Variants in TASP1 observed in about 807,000 individuals in gnomAD.
TASP1 encodes taspase 1.
Under a neutral mutation model 56.6 loss-of-function variants are expected in TASP1, and 16 were observed. The ratio of observed to expected loss-of-function variants is 0.28; its 90% CI spans 0.19 to 0.43. TASP1 has a LOEUF of 0.43. TASP1 is among the 20% of genes least tolerant of loss of function. TASP1 has a pLI of 1.00. For missense variants in TASP1, 393 were observed against 511.6 expected (o/e 0.77, Z 2.24); for synonymous variants, 179 against 184.2 (o/e 0.97, Z 0.23).
chr20:13,616,623 C>T (rs2048533736), intron 4 of TASP1, among the ~76,000 whole-genome samples: 1 of 150,996 alleles, frequency 6.6e-6, no homozygotes, highest in Admixed American at 6.6e-5. Flanking sequence ...ATCATTGATT[C>T]CGTTTTCTTT....
At chr20:13,220,873 G>A in the TASP1 span, among the ~76,000 whole-genome samples, 2 of 152,188 alleles carry the variant, frequency 1.3e-5, no homozygotes, top group Non-Finnish European at 2.9e-5. Context: ...TTCTAAAGCA[G>A]CCCAGGCACC....
At chr20:13,151,312 T>C in the TASP1 span, among the ~76,000 whole-genome samples, 4 of 152,246 alleles carry the variant, frequency 2.6e-5, no homozygotes, top group Non-Finnish European at 4.4e-5. Flanking sequence ...TTATATTTAT[T>C]GTCTCTTTTT....
the TASP1 span, among the ~76,000 whole-genome samples, chr20:13,274,107 A>G: frequency 6.6e-6 from 1 of 151,854 alleles, no homozygotes; most frequent in Admixed American, 6.6e-5. Flanking sequence ...ACACAAACAC[A>G]CCCACACACC....
At chr20:13,392,737 G>A in intron 13 of TASP1, 1 of 579,132 alleles carries the variant, frequency 1.7e-6, no homozygotes, top group Non-Finnish European at 3.3e-6. Flanking sequence ...CACCAGGGCT[G>A]CTTTTAACTC....
chr20:13,580,649 A>G (rs1296476489), intron 6 of TASP1, among the ~76,000 whole-genome samples: 1 of 152,166 alleles, frequency 6.6e-6, no homozygotes, highest in African/African-American at 2.4e-5. Context: ...CTGGACTACA[A>G]TGTGTAAGTT....
chr20:13,105,008 T>TA, the TASP1 span, among the ~76,000 whole-genome samples: 941 of 152,136 alleles, frequency 6.2e-3, 7 homozygotes, highest in African/African-American at 0.02. Context: ...ATCATTATTT[T>TA]AAAAAAAATC....
At chr20:13,295,531 T>C in the TASP1 span, among the ~76,000 whole-genome samples, 1 of 152,054 alleles carries the variant, frequency 6.6e-6, no homozygotes, top group East Asian at 1.9e-4. Flanking sequence ...CCCTTGTCCT[T>C]CCCCCATCGA....
intron 12 of TASP1, among the ~76,000 whole-genome samples, chr20:13,428,808 G>C (rs2042703145): frequency 6.6e-6 from 1 of 151,176 alleles, no homozygotes; most frequent in Non-Finnish European, 1.5e-5. Context: ...TTGTTTTTTT[G>C]TGAGCATGAG....
the TASP1 span, chr20:13,298,898 C>T: frequency 8.2e-6 from 13 of 1,590,354 alleles, no homozygotes; most frequent in East Asian, 1.1e-4. Context: ...TCCTGTGGGC[C>T]GGTTGTACAC....
At chr20:13,381,314 C>T in the TASP1 span, among the ~76,000 whole-genome samples, 5 of 152,180 alleles carry the variant, frequency 3.3e-5, no homozygotes, top group Non-Finnish European at 5.9e-5. Flanking sequence ...TCACAGCTTC[C>T]CTTGGCTAGG....
At chr20:13,276,172 C>A in the TASP1 span, among the ~76,000 whole-genome samples, 5 of 152,312 alleles carry the variant, frequency 3.3e-5, no homozygotes, top group Non-Finnish European at 1.5e-5. Flanking sequence ...TGAGGAAATC[C>A]TTTTCCTCTC....
At chr20:13,459,523 T>A (rs1408948820) in intron 11 of TASP1, among the ~76,000 whole-genome samples, 1 of 152,180 alleles carries the variant, frequency 6.6e-6, no homozygotes, top group Admixed American at 6.6e-5. Context: ...CAAACTTTGC[T>A]GAAGATAATT....
rs1328956558 is a variant in TASP1 at position 13,390,143 on chromosome 20, C to T, written c.*217G>A. ...TACTCCACACATACACATATGTGCG[C>T]ACATACGCGCACACACTCACACACA... On this transcript the variant is annotated 3_prime_UTR_variant, in exon 14 of 14. Coordinates refer to ENST00000337743, the MANE Select transcript of TASP1 (RefSeq NM_017714.3). 5.9e-6 allele frequency: 3 copies of T among 506,474 alleles called. No individual in the cohort carries two copies. The highest frequency in any genetic ancestry group is 1.1e-5 in the Non-Finnish European group (3 of 276,876). The allele number at this position is 506,474 out of a possible 1,614,324, so 31.4% of individuals were successfully genotyped here.
intron 13 of TASP1, among the ~76,000 whole-genome samples, chr20:13,414,618 ACAGTAGTC>A (rs2042193928): frequency 6.6e-6 from 1 of 152,174 alleles, no homozygotes; most frequent in African/African-American, 2.4e-5. Flanking sequence ...TGTTTCTATT[ACAGTAGTC>A]CATGCACACT....
chr20:13,370,139 A>T, the TASP1 span, among the ~76,000 whole-genome samples: 1 of 152,184 alleles, frequency 6.6e-6, no homozygotes, highest in South Asian at 2.1e-4. Context: ...TTTGACAAGG[A>T]TTTTAAAGCA....
chr20:13,420,834 C>G (rs1330377767), intron 12 of TASP1, among the ~76,000 whole-genome samples: 1 of 152,120 alleles, frequency 6.6e-6, no homozygotes, highest in Admixed American at 6.5e-5. Flanking sequence ...AAGCTGGACT[C>G]TGGGATCACA....
At chr20:13,619,432 C>G (rs2048635105) in intron 4 of TASP1, among the ~76,000 whole-genome samples, 1 of 152,024 alleles carries the variant, frequency 6.6e-6, no homozygotes, top group Admixed American at 6.6e-5. Context: ...AGAAAAACAC[C>G]AATGTGCAAA....
At chr20:13,165,191 C>A in the TASP1 span, 1 of 210,220 alleles carries the variant, frequency 4.8e-6, no homozygotes, top group Non-Finnish European at 9.5e-6. Flanking sequence ...TTCAGGGATT[C>A]CAACCAAATG....
chr20:13,336,783 G>A, the TASP1 span, among the ~76,000 whole-genome samples: 1 of 151,920 alleles, frequency 6.6e-6, no homozygotes, highest in African/African-American at 2.4e-5. Flanking sequence ...TCAACTATGA[G>A]TATCACTAAA....
Sources: allele counts gnomAD v4.1 joint callset (sites outside exome capture counted in the v4.1 genomes callset), GRCh38; gene constraint gnomAD v4.1.1; transcripts MANE v1.5; gene names NCBI Gene and HGNC (gene_info 2026-07-23, HGNC 2026-07-21).